Variants in SHISA9 observed in about 807,000 individuals in gnomAD.
The protein encoded by SHISA9 is shisa family member 9.
Under a neutral mutation model 38.0 loss-of-function variants are expected in SHISA9, and 13 were observed. The observed-to-expected ratio is 0.34, with a 90% CI of 0.22 to 0.54. SHISA9 has a LOEUF of 0.54. Ranked by LOEUF, SHISA9 falls within the 20% of genes least tolerant of loss-of-function variation. The probability of loss-of-function intolerance (pLI) is 0.91; values close to 1 mark genes in which losing one functional copy is unlikely to be tolerated. For synonymous variants in SHISA9, 275 were observed against 242.0 expected, an observed-to-expected ratio of 1.14 and a Z score of -1.27; for missense variants, 538 against 575.8, an observed-to-expected ratio of 0.93 and a Z score of 0.67.
At chr16:13,257,805 T>C in the SHISA9 span, among the ~76,000 whole-genome samples, 1 of 152,230 alleles carries the variant, frequency 6.6e-6, no homozygotes, top group Non-Finnish European at 1.5e-5. Context: ...ACTTAGAAGC[T>C]GATGAAATCT....
intron 2 of SHISA9, among the ~76,000 whole-genome samples, chr16:13,145,201 C>T (rs2050436561): frequency 6.6e-6 from 1 of 152,158 alleles, no homozygotes; most frequent in Non-Finnish European, 1.5e-5. Flanking sequence ...TTGAAACCAG[C>T]CCTGCCCTCA....
chr16:13,561,215 C>G, the SHISA9 span, among the ~76,000 whole-genome samples: 1 of 152,100 alleles, frequency 6.6e-6, no homozygotes, highest in Non-Finnish European at 1.5e-5. Context: ...GAAATGTGCA[C>G]TCAATGAACC....
intron 2 of SHISA9, among the ~76,000 whole-genome samples, chr16:12,970,489 ATATATATATTTTTTTTTTTTT>A (rs1447678383): frequency 3.4e-4 from 9 of 26,384 alleles, no homozygotes; most frequent in African/African-American, 1.2e-3. Flanking sequence ...ATATATATAT[ATATATATATTTTTTTTTTTTT>A]TTTTTTTTTT....
At chr16:13,348,840 C>T in the SHISA9 span, among the ~76,000 whole-genome samples, 1 of 151,960 alleles carries the variant, frequency 6.6e-6, no homozygotes, top group South Asian at 2.1e-4. Context: ...CCAAAAGCTG[C>T]CTGTTACAGA....
chr16:13,102,431 C>T (rs945305678), intron 2 of SHISA9, among the ~76,000 whole-genome samples: 10 of 152,144 alleles, frequency 6.6e-5, no homozygotes, highest in Non-Finnish European at 1.3e-4. Flanking sequence ...GTCCTCACCG[C>T]GTGGCCCAGG....
chr16:12,926,077 A>C (rs547031781), intron 2 of SHISA9, among the ~76,000 whole-genome samples: 1 of 152,126 alleles, frequency 6.6e-6, no homozygotes, highest in Non-Finnish European at 1.5e-5. Flanking sequence ...TGTGTATTGC[A>C]CTCACATATT....
chr16:13,344,180 C>T, the SHISA9 span, among the ~76,000 whole-genome samples: 2 of 152,226 alleles, frequency 1.3e-5, no homozygotes, highest in African/African-American at 4.8e-5. Flanking sequence ...AAGAAACCCA[C>T]TGAGTGTGAA....
the SHISA9 span, chr16:13,458,728 A>G: frequency 4.3e-6 from 1 of 233,088 alleles, no homozygotes; most frequent in Non-Finnish European, 8.6e-6. Context: ...CAAATAGATG[A>G]ACATTTAAGA....
chr16:13,309,137 C>T, the SHISA9 span, among the ~76,000 whole-genome samples: 4 of 151,964 alleles, frequency 2.6e-5, no homozygotes, highest in African/African-American at 4.8e-5. Flanking sequence ...CTTGCACCTG[C>T]GGTTTTTTCA....
the SHISA9 span, among the ~76,000 whole-genome samples, chr16:13,329,510 G>T: frequency 1.3e-5 from 2 of 152,104 alleles, no homozygotes; most frequent in Admixed American, 1.3e-4. Flanking sequence ...CATTTTCCTT[G>T]TTGACTTTTC....
intron 3 of SHISA9, 84 bp from the exon 4 acceptor site, chr16:13,213,169 C>G: frequency 7.8e-7 from 1 of 1,282,030 alleles, no homozygotes; most frequent in Non-Finnish European, 1.1e-6. Flanking sequence ...CAGGGGCAGC[C>G]AACAGCACCT....
the SHISA9 span, among the ~76,000 whole-genome samples, chr16:13,475,457 T>C: frequency 1.3e-5 from 2 of 152,090 alleles, no homozygotes; most frequent in African/African-American, 4.8e-5. Context: ...TATTTATTTA[T>C]TCATTTGACA....
chr16:13,128,108 G>T (rs2050276863), intron 2 of SHISA9, among the ~76,000 whole-genome samples: 1 of 152,080 alleles, frequency 6.6e-6, no homozygotes, highest in Admixed American at 6.6e-5. Flanking sequence ...TTAAGAGTTT[G>T]GTGTATACTG....
chr16:13,334,614 A>T, the SHISA9 span, among the ~76,000 whole-genome samples: 1 of 151,908 alleles, frequency 6.6e-6, no homozygotes, highest in African/African-American at 2.4e-5. Context: ...CTCTACTCAA[A>T]ATACAAAAAA....
At chr16:13,473,056 G>A in the SHISA9 span, among the ~76,000 whole-genome samples, 1 of 152,160 alleles carries the variant, frequency 6.6e-6, no homozygotes, top group Non-Finnish European at 1.5e-5. Context: ...TTAGATGCCA[G>A]TCATTGTAAA....
the SHISA9 span, among the ~76,000 whole-genome samples, chr16:13,355,647 A>T: frequency 6.6e-6 from 1 of 152,134 alleles, no homozygotes; most frequent in Non-Finnish European, 1.5e-5. Flanking sequence ...AAGCCTGGCC[A>T]TCAATACCCA....
chr16:13,516,794 T>TC, the SHISA9 span, among the ~76,000 whole-genome samples: 199 of 53,206 alleles, frequency 3.7e-3, 3 homozygotes, highest in Admixed American at 0.011. Flanking sequence ...CAAGATTCCA[T>TC]CCCAAAAAAA....
intron 1 of SHISA9, among the ~76,000 whole-genome samples, chr16:12,914,560 C>T (rs1448498494): frequency 6.6e-6 from 1 of 152,000 alleles, no homozygotes; most frequent in African/African-American, 2.4e-5. Context: ...TCAGTCTTTT[C>T]CTCTCATTCA....
the SHISA9 span, among the ~76,000 whole-genome samples, chr16:13,259,624 C>T: frequency 6.6e-6 from 1 of 152,218 alleles, no homozygotes; most frequent in Admixed American, 6.5e-5. Context: ...CCAAGGTTCC[C>T]AAACCTCAGT....
Sources: gnomAD v4.1 joint callset for allele counts (sites outside exome capture counted in the v4.1 genomes callset) on GRCh38, gnomAD v4.1.1 for gene constraint, MANE v1.5 for transcripts, NCBI Gene and HGNC (gene_info 2026-07-23, HGNC 2026-07-21) for gene names.